FNDC3B: variants seen among roughly 807,000 people sequenced by gnomAD.
FNDC3B encodes fibronectin type III domain-containing protein 3B.
Under a neutral mutation model 151.5 loss-of-function variants are expected in FNDC3B, and 12 were observed. The ratio of observed to expected loss-of-function variants is 0.08; its 90% CI spans 0.05 to 0.13. The LOEUF is 0.13. Ranked by LOEUF, FNDC3B falls within the 10% of genes least tolerant of loss-of-function variation. The probability of loss-of-function intolerance (pLI) is 1.00; values close to 1 mark genes in which losing one functional copy is unlikely to be tolerated. For synonymous variants in FNDC3B, 528 were observed against 549.0 expected (o/e 0.96, Z 0.54); for missense variants, 1,214 against 1,505.3 (o/e 0.81, Z 3.20).
intron 4 of FNDC3B, 133 bp from the exon 5 acceptor site, chr3:172,247,400 C>A: frequency 1.1e-6 from 1 of 929,242 alleles, no homozygotes; most frequent in Non-Finnish European, 1.6e-6. Flanking sequence ...ACTAGAGAAC[C>A]AGAATACAAC....
intron 6 of FNDC3B, among the ~76,000 whole-genome samples, chr3:172,267,814 T>G (rs1237630877): frequency 1.3e-5 from 2 of 152,226 alleles, no homozygotes; most frequent in Non-Finnish European, 2.9e-5. Context: ...TAAATAGCCC[T>G]CAGGGAAATT....
chr3:172,255,115 GCCTTTTC>G (rs1284358718), intron 6 of FNDC3B, among the ~76,000 whole-genome samples: 1 of 152,100 alleles, frequency 6.6e-6, no homozygotes, highest in African/African-American at 2.4e-5. Context: ...CCATCTGGCA[GCCTTTTC>G]CCTTCCCTTC....
intron 11 of FNDC3B, chr3:172,321,638 G>T (rs1276859180): frequency 5.3e-6 from 1 of 188,642 alleles, no homozygotes; most frequent in Non-Finnish European, 1.1e-5. Context: ...CCTCCCGGGT[G>T]CAAGCAATTC....
chr3:172,388,784 C>A (rs4894545), intron 25 of FNDC3B, among the ~76,000 whole-genome samples: 18,027 of 152,210 alleles, frequency 0.12, 2,162 homozygotes, highest in East Asian at 0.6. Context: ...CCCCAAGGGT[C>A]CCTGGCACCA....
intron 9 of FNDC3B, among the ~76,000 whole-genome samples, chr3:172,306,242 G>C (rs1257763623): frequency 6.6e-6 from 1 of 152,194 alleles, no homozygotes; most frequent in Admixed American, 6.5e-5. Context: ...GGATTGTGGT[G>C]TTTAGAGGAA....
rs1720028990 is a variant in FNDC3B, at chr3:172,112,530, A to G, written c.51A>G (p.Pro17=). ...MTDQIPLELP[P]LLNGEVAMMP... Reference sequence around the variant, plus strand: ...ACCAAATCCCTCTGGAACTGCCACCATTGCTGAACGGAGAGGTAGCCATGA... The same window carrying G: ...ACCAAATCCCTCTGGAACTGCCACCGTTGCTGAACGGAGAGGTAGCCATGA... Residue 17 remains proline, a synonymous_variant, in exon 2 of 26, where the codon CCA becomes CCG. Coordinates refer to ENST00000415807, the MANE Select transcript of FNDC3B (RefSeq NM_022763.4). 2 of 1,614,182 alleles carry G rather than the reference A, an allele frequency of 1.2e-6. No individual in the cohort carries two copies. The highest frequency in any genetic ancestry group is 1.7e-6 in the Non-Finnish European group (2 of 1,180,000).
At chr3:172,362,586 T>A (rs745689932) in intron 22 of FNDC3B, 47 bp from the exon 23 acceptor site, 1 of 1,348,336 alleles carries the variant, frequency 7.4e-7, no homozygotes, top group East Asian at 2.3e-5. Flanking sequence ...GAAGAATTGC[T>A]GCTGCTTTAA....
At chr3:172,386,082 T>C (rs1735693514) in intron 25 of FNDC3B, among the ~76,000 whole-genome samples, 1 of 152,258 alleles carries the variant, frequency 6.6e-6, no homozygotes, top group Admixed American at 6.5e-5. Context: ...TTAGATTGCA[T>C]GCACATTTGG....
intron 3 of FNDC3B, among the ~76,000 whole-genome samples, chr3:172,136,758 C>G (rs896465675): frequency 7.9e-5 from 12 of 152,100 alleles, no homozygotes; most frequent in Admixed American, 7.9e-4. Flanking sequence ...CTCACTCTGT[C>G]GCCCAGGCTG....
chr3:172,296,766 C>T (rs144239866), intron 8 of FNDC3B, among the ~76,000 whole-genome samples: 1 of 152,224 alleles, frequency 6.6e-6, no homozygotes, highest in South Asian at 2.1e-4. Flanking sequence ...CAGGTCTGAA[C>T]TGCACGGACC....
chr3:172,276,987 A>T (rs1729464007), intron 6 of FNDC3B, among the ~76,000 whole-genome samples: 1 of 152,198 alleles, frequency 6.6e-6, no homozygotes, highest in African/African-American at 2.4e-5. Context: ...TTTAATCTCA[A>T]ATTTATTCGA....
At chr3:172,380,082 T>C (rs1361908328) in intron 24 of FNDC3B, among the ~76,000 whole-genome samples, 1 of 151,872 alleles carries the variant, frequency 6.6e-6, no homozygotes, top group Non-Finnish European at 1.5e-5. Flanking sequence ...TCTTCTTTTT[T>C]TTTAAGGAAA....
Position 172,397,240 on chromosome 3 carries a change from C to T in FNDC3B, c.3380C>T (p.Ala1127Val), listed in dbSNP as rs749504946. 1.7e-5 allele frequency: 28 copies of T among 1,614,054 alleles called. No individual in the cohort carries two copies. Among genetic ancestry groups the T allele is most frequent in the African/African-American group, 5.3e-5 (4 of 74,926 alleles). ...TNTDYRFRVC[A>V]CRRCLDTSQE... ...ACAGACTACAGGTTCCGCGTATGTG[C>T]GTGTCGTCGCTGTTTAGACACCTCT... Residue 1127 changes from alanine (A) to valine (V), a missense_variant, in exon 26 of 26, where the codon GCG becomes GTG. Around this residue, in one of 7 missense-constraint regions of FNDC3B, gnomAD observed 284 missense variants for 392.4 expected, o/e 0.72. Transcript: ENST00000415807.
chr3:172,087,976 T>C (rs1718633887), intron 1 of FNDC3B, among the ~76,000 whole-genome samples: 1 of 152,206 alleles, frequency 6.6e-6, no homozygotes, highest in African/African-American at 2.4e-5. Context: ...CTTTGGTTCA[T>C]GTATCTTGAA....
intron 6 of FNDC3B, 77 bp downstream of exon 6, chr3:172,251,618 A>T (rs1040291792): frequency 7.4e-7 from 1 of 1,347,888 alleles, no homozygotes. Context: ...CATCTTTTAC[A>T]TGAGAATATT....
At chr3:172,215,856 G>C (rs1206914124) in intron 3 of FNDC3B, among the ~76,000 whole-genome samples, 1 of 151,452 alleles carries the variant, frequency 6.6e-6, no homozygotes, top group South Asian at 2.1e-4. Flanking sequence ...TTACCTCGGG[G>C]CATTTAAAAT....
intron 3 of FNDC3B, among the ~76,000 whole-genome samples, chr3:172,139,226 C>T (rs1474576911): frequency 1.3e-5 from 2 of 152,032 alleles, no homozygotes; most frequent in Non-Finnish European, 2.9e-5. Context: ...ACTTGTTTGG[C>T]ACACTAAAAC....
intron 6 of FNDC3B, among the ~76,000 whole-genome samples, chr3:172,277,225 A>G (rs1451838633): frequency 3.3e-5 from 5 of 152,216 alleles, no homozygotes; most frequent in Non-Finnish European, 7.3e-5. Flanking sequence ...GTGTTTTTCT[A>G]TAGCAATCTA....
At position 172,199,383 on chromosome 3, in the gene FNDC3B, G is replaced by C. The variant is rs957769560; in HGVS notation, c.188-27488G>C. Among the ~76,000 whole-genome samples the C allele has an allele frequency of 2.7e-5, 4 of 149,676 alleles. No homozygotes were observed. The East Asian group carries it at 8.1e-4, about 30-fold the overall frequency. ...TTTAGTAGAGACGGGGTTTCACCGT[G>C]TTAGCCAGGATGGTCTCGATCTCCT... is the stretch of plus-strand genomic sequence containing the variant. On this transcript the variant is annotated intron_variant, in intron 3 of 25. Coordinates refer to ENST00000415807, the MANE Select transcript of FNDC3B (RefSeq NM_022763.4).
Sources: allele counts gnomAD v4.1 joint callset (sites outside exome capture counted in the v4.1 genomes callset), GRCh38; gene constraint gnomAD v4.1.1; regional missense constraint gnomAD v4.1.1; transcripts MANE v1.5; gene names NCBI Gene and HGNC (gene_info 2026-07-23, HGNC 2026-07-21).